EXO1: variants seen among roughly 807,000 people sequenced by gnomAD.
The protein encoded by EXO1 is exonuclease 1.
In EXO1, 69 loss-of-function variants were observed where a neutral mutation model predicts 84.5. The observed-to-expected ratio is 0.82, with a 90% confidence interval of 0.67 to 1.00. EXO1 has a LOEUF of 1.00. EXO1 is among the 50% of genes least tolerant of loss of function. EXO1 has a pLI of 0.00. For synonymous variants in EXO1, 373 were observed against 366.1 expected (o/e 1.02, Z -0.21); for missense variants, 1,045 against 1,000.7 (o/e 1.04, Z -0.60).
At chr1:241,875,773 G>A (rs564310640) in intron 12 of EXO1, among the ~76,000 whole-genome samples, 2 of 152,356 alleles carry the variant, frequency 1.3e-5, no homozygotes, top group East Asian at 3.9e-4. Flanking sequence ...AGCTGTTTGG[G>A]AGGCTGAGGC....
chr1:241,852,282 T>C lies in EXO1; in HGVS notation c.162-10T>C. 1 of 1,600,980 alleles carries C rather than the reference T, an allele frequency of 6.2e-7. No individual in the cohort carries two copies. The highest frequency in any genetic ancestry group is 1.7e-5 in the Admixed American group (1 of 60,000). On this transcript the variant is annotated splice_polypyrimidine_tract_variant and intron_variant, in intron 4 of 15. Transcript: ENST00000366548. ...GGTGAAGCACTGAATGTTTTTCTTT[T>C]TTTCCATAGGTATGTAGGATTTTGT...
chr1:241,864,812 A>T (rs1661613269), intron 10 of EXO1, among the ~76,000 whole-genome samples: 1 of 151,856 alleles, frequency 6.6e-6, no homozygotes, highest in South Asian at 2.1e-4. Context: ...TTATGGAAAG[A>T]AGGAGACTGA....
intron 4 of EXO1, among the ~76,000 whole-genome samples, chr1:241,851,415 CAT>C (rs1660663334): frequency 6.6e-6 from 1 of 152,152 alleles, no homozygotes; most frequent in Admixed American, 6.5e-5. Context: ...ATCAAGATGA[CAT>C]ATTTAAAAGG....
At position 241,850,505 on chromosome 1, in the gene EXO1, T is replaced by C. The variant is rs1472620416; in HGVS notation, c.80T>C (p.Val27Ala). 15 of 1,613,790 alleles carry C rather than the reference T, an allele frequency of 9.3e-6. No individual in the cohort carries two copies. Among genetic ancestry groups the C allele is most frequent in the Non-Finnish European group, 9.3e-6 (11 of 1,179,776 alleles). Residue 27 changes from valine (V) to alanine (A), a missense_variant, in exon 4 of 16, where the codon GTA (valine) becomes GCA (alanine). By Grantham distance (64) the Val-to-Ala change is moderately conservative. Transcript: ENST00000366548. ...IHVRKYKGQV[V>A]AVDTYCWLHK... ...GTGAGGAAGTATAAAGGGCAGGTAG[T>C]AGCTGTGGATACATATTGCTGGCTT...
At chr1:241,875,628 C>G (rs1662348267) in intron 12 of EXO1, among the ~76,000 whole-genome samples, 1 of 152,160 alleles carries the variant, frequency 6.6e-6, no homozygotes, top group African/African-American at 2.4e-5. Context: ...CCTTTAATCC[C>G]AGCACTTTGG....
intron 14 of EXO1, among the ~76,000 whole-genome samples, chr1:241,882,698 G>A (rs1635496): frequency 0.95 from 143,945 of 152,078 alleles, 68,285 homozygotes; most frequent in Non-Finnish European, 0.98. Flanking sequence ...TGATTAATAT[G>A]TGTTTAACCT....
At chr1:241,865,611 T>G (rs1393276457) in intron 10 of EXO1, among the ~76,000 whole-genome samples, 1 of 152,150 alleles carries the variant, frequency 6.6e-6, no homozygotes, top group Admixed American at 6.5e-5. Context: ...TGTAATGTTA[T>G]GGAATGCTAA....
At chr1:241,879,811 C>G (rs1268310476) in intron 13 of EXO1, among the ~76,000 whole-genome samples, 3 of 152,036 alleles carry the variant, frequency 2.0e-5, no homozygotes, top group African/African-American at 7.2e-5. Context: ...TTGAGACCAG[C>G]CTGGCCAGCA....
In EXO1 at chr1:241,880,197, C is replaced by T. The variant is rs1662675089; in HGVS notation, c.2109+854C>T. 2.0e-5 allele frequency among the ~76,000 whole-genome samples: 3 copies of T among 152,212 alleles called. No homozygotes were observed. The Middle Eastern group carries it at 0.01, about 518-fold the overall frequency. ...CTGGTCTAGAAGACTGTCTGTTTCT[C>T]TTCCTATGAACGTCTTTATCTCGTC... is the stretch of plus-strand genomic sequence containing the variant. On this transcript the variant is annotated intron_variant, in intron 13 of 15. Coordinates refer to ENST00000366548, the MANE Select transcript of EXO1 (RefSeq NM_130398.4).
intron 14 of EXO1, among the ~76,000 whole-genome samples, chr1:241,882,709 C>T (rs1662846718): frequency 1.3e-5 from 2 of 152,070 alleles, no homozygotes; most frequent in Admixed American, 1.3e-4. Context: ...TGTTTAACCT[C>T]ATTTGTTTAA....
intron 12 of EXO1, 31 bp from the exon 13 acceptor site, chr1:241,878,718 T>A (rs1192075468): frequency 2.0e-5 from 28 of 1,367,644 alleles, no homozygotes; most frequent in Non-Finnish European, 2.9e-5. Context: ...TACTCATACT[T>A]ACTTATTGTT....
At position 241,850,456 on chromosome 1, in the gene EXO1, A is replaced by C. The variant is rs764987207; in HGVS notation, c.31A>C (p.Lys11Gln). 2 of 1,613,962 alleles carry C rather than the reference A, an allele frequency of 1.2e-6. No homozygotes were observed. The highest frequency in any genetic ancestry group is 2.7e-5 in the African/African-American group (2 of 74,934). MGIQGLLQFI[K>Q]EASEPIHVRK... is the part of the protein sequence containing the mutation. The stretch of plus-strand genomic sequence containing the variant: ...GATACAGGGATTGCTACAATTTATC[A>C]AAGAAGCTTCAGAACCCATCCATGT... The change falls in exon 4 of 16, where the codon AAA becomes CAA. Residue 11 changes from lysine (K) to glutamine (Q), a missense_variant. Transcript: ENST00000366548.
At position 241,878,994 on chromosome 1, in the gene EXO1, C is replaced by T. The variant is rs772450641; in HGVS notation, c.1760C>T (p.Ser587Phe). ...GTGTTTACAGATGAAGAGTCCTACT[C>T]TTTTGAGAGCAGCAAATTTACAAGG... is the stretch of plus-strand genomic sequence containing the variant. ...ATVFTDEESYSFESSKFTRTI... is the reference protein window; with the variant it reads ...ATVFTDEESYFFESSKFTRTI... The change falls in exon 13 of 16, where the codon TCT becomes TTT. Residue 587 changes from serine to phenylalanine, a missense_variant. Coordinates refer to ENST00000366548, the MANE Select transcript of EXO1 (RefSeq NM_130398.4). 3.7e-6 allele frequency: 6 copies of T among 1,614,136 alleles called. No homozygotes were observed. Among genetic ancestry groups the T allele is most frequent in the Non-Finnish European group, 5.1e-6 (6 of 1,179,996 alleles).
intron 6 of EXO1, among the ~76,000 whole-genome samples, 186 bp from the exon 7 acceptor site, chr1:241,857,159 G>A (rs1159095194): frequency 6.6e-6 from 1 of 152,096 alleles, no homozygotes; most frequent in African/African-American, 2.4e-5. Context: ...TGTCTTAATG[G>A]CTATATAATT....
Position 241,886,092 on chromosome 1 carries a change from A to T in EXO1, c.2405+585A>T, listed in dbSNP as rs1663055373. On this transcript the variant is annotated intron_variant, in intron 15 of 15. Coordinates refer to ENST00000366548, the MANE Select transcript of EXO1 (RefSeq NM_130398.4). ...AGTCTCGAACTCCCAACCTCAGGTG[A>T]TCCACCCGCCACGGCCTCCCAAGTG... 3.3e-5 allele frequency among the ~76,000 whole-genome samples: 5 copies of T among 152,236 alleles called. No individual in the cohort carries two copies. In the South Asian group the frequency reaches 8.3e-4, roughly 25 times the overall value.
intron 3 of EXO1, 116 bp downstream of exon 3, chr1:241,849,332 CTT>C (rs974326935): frequency 3.9e-5 from 6 of 152,132 alleles, no homozygotes; most frequent in African/African-American, 2.4e-5. Context: ...CCATTACTGA[CTT>C]TTTATTGTAG....
rs761771698 is a variant in EXO1, at chr1:241,879,264, A to G, written c.2030A>G (p.Gln677Arg). ...GAAGAGGCATGTTCTTCACAGTCCC[A>G]GGAAAGTGGAGAATTCTCACTGCAG... ...LREEACSSQSQESGEFSLQSS... is the reference protein window; with the variant it reads ...LREEACSSQSRESGEFSLQSS... The change falls in exon 13 of 16, where the codon CAG becomes CGG. Residue 677 changes from glutamine (Q) to arginine (R), a missense_variant. Gln to Arg is a conservative substitution (Grantham distance 43). Coordinates refer to ENST00000366548, the MANE Select transcript of EXO1 (RefSeq NM_130398.4). The G allele has an allele frequency of 1.9e-6, 3 of 1,601,176 alleles. No individual in the cohort carries two copies. The highest frequency in any genetic ancestry group is 1.7e-4 in the Middle Eastern group (1 of 5,970).
chr1:241,850,920 C>T (rs908244443), intron 4 of EXO1, among the ~76,000 whole-genome samples: 5 of 147,512 alleles, frequency 3.4e-5, no homozygotes, highest in South Asian at 4.3e-4. Flanking sequence ...CTGCAACCTC[C>T]GCCTCCCAGG....
At chr1:241,885,919 T>A (rs1182052478) in intron 15 of EXO1, among the ~76,000 whole-genome samples, 2 of 151,612 alleles carry the variant, frequency 1.3e-5, no homozygotes, top group Non-Finnish European at 2.9e-5. Flanking sequence ...AATGGTGCGA[T>A]CTCCACTCAC....
Sources: allele counts gnomAD v4.1 joint callset (sites outside exome capture counted in the v4.1 genomes callset), GRCh38; gene constraint gnomAD v4.1.1; transcripts MANE v1.5; gene names NCBI Gene and HGNC (gene_info 2026-07-23, HGNC 2026-07-21).